PPP1R12A: variants seen among roughly 807,000 people sequenced by gnomAD.
PPP1R12A encodes the protein protein phosphatase 1 regulatory subunit 12A.
A neutral mutation model predicts 139.6 loss-of-function variants in PPP1R12A; 19 were observed. The ratio of observed to expected loss-of-function variants is 0.14; its 90% CI spans 0.09 to 0.20. PPP1R12A has a LOEUF of 0.20. PPP1R12A is among the 10% of genes least tolerant of loss of function. The pLI is 1.00. For synonymous variants in PPP1R12A, 427 were observed against 420.6 expected (o/e 1.02, Z -0.19); for missense variants, 925 against 1,211.5 (o/e 0.76, Z 3.51).
intron 1 of PPP1R12A, among the ~76,000 whole-genome samples, chr12:79,904,862 G>A: frequency 6.6e-6 from 1 of 152,148 alleles, no homozygotes; most frequent in East Asian, 1.9e-4. Flanking sequence ...GAGACCAAGA[G>A]GGGAAAAGAA....
chr12:79,829,711 G>C (rs183511946), intron 4 of PPP1R12A, among the ~76,000 whole-genome samples: 1 of 152,120 alleles, frequency 6.6e-6, no homozygotes. Context: ...AATAGAGGCA[G>C]AAACAATACT....
chr12:79,873,073 G>C (rs1882731070), intron 1 of PPP1R12A, 135 bp from the exon 2 acceptor site: 2 of 1,000,302 alleles, frequency 2.0e-6, no homozygotes, highest in Non-Finnish European at 2.9e-6. Context: ...CTGCTATCTT[G>C]ACTATACTCC....
intron 1 of PPP1R12A, among the ~76,000 whole-genome samples, chr12:79,887,047 T>C (rs1884167026): frequency 6.6e-6 from 1 of 152,166 alleles, no homozygotes; most frequent in African/African-American, 2.4e-5. Flanking sequence ...TTTTACTGAC[T>C]GCCTACCACA....
At position 79,934,800 on chromosome 12, in the gene PPP1R12A, G is replaced by A. The variant is rs746387765; in HGVS notation, c.132C>T (p.Phe44=). ...TKVKFDDGAV[F]LAACSSGDTD... ...TGTCGCCGCTGGAGCAAGCAGCCAG[G>A]AAGACGGCGCCATCGTCGAACTTCA... The change falls in exon 1 of 25, where the codon TTC becomes TTT. Residue 44 remains phenylalanine, a synonymous_variant. Transcript: ENST00000450142. 5 of 1,582,700 alleles carry A rather than the reference G, an allele frequency of 3.2e-6. No homozygotes were observed. Among genetic ancestry groups the A allele is most frequent in the Middle Eastern group, 1.7e-4 (1 of 6,040 alleles).
chr12:79,844,908 C>T (rs1287429311), intron 3 of PPP1R12A, among the ~76,000 whole-genome samples: 3 of 152,206 alleles, frequency 2.0e-5, no homozygotes, highest in Non-Finnish European at 4.4e-5. Flanking sequence ...CCCAGATCAT[C>T]ATGACTCATT....
At chr12:79,851,669 CT>C (rs1316500590) in intron 2 of PPP1R12A, among the ~76,000 whole-genome samples, 1 of 152,122 alleles carries the variant, frequency 6.6e-6, no homozygotes, top group African/African-American at 2.4e-5. Flanking sequence ...AGGTTTATGT[CT>C]TTTGCCAAAT....
rs566075084 is a variant in PPP1R12A, at chr12:79,871,780, A to C, written c.368+1028T>G. On this transcript the variant is annotated intron_variant, in intron 2 of 24. Coordinates refer to ENST00000450142, the MANE Select transcript of PPP1R12A (RefSeq NM_002480.3). ...AGTAAAGAACTCGAGATTGAGCGGGAAAAGTACAAAAAGGAAGTAAAGAAC... is the reference window on the plus strand; with the variant it reads ...AGTAAAGAACTCGAGATTGAGCGGGCAAAGTACAAAAAGGAAGTAAAGAAC... Among the ~76,000 whole-genome samples, 3 of 152,280 alleles carry C rather than the reference A, an allele frequency of 2.0e-5. No homozygotes were observed. In the South Asian group the frequency reaches 6.2e-4, roughly 32 times the overall value.
In PPP1R12A at chr12:79,828,433, T is replaced by G. The variant is rs757675632; in HGVS notation, c.679A>C (p.Ile227Leu). 1.2e-5 allele frequency: 20 copies of G among 1,609,118 alleles called. No individual in the cohort carries two copies. Among genetic ancestry groups the G allele is most frequent in the Non-Finnish European group, 1.7e-5 (20 of 1,176,486 alleles). The change falls in exon 5 of 25, where the codon ATT (isoleucine) becomes CTT (leucine). Residue 227 changes from isoleucine (I) to leucine (L), a missense_variant. By Grantham distance (5) the Ile-to-Leu change is conservative. Coordinates refer to ENST00000450142, the MANE Select transcript of PPP1R12A (RefSeq NM_002480.3). ...GGTGTCCAGCCATCATAGTCTTTAA[T>G]ATTAACATCATAGCCTGCCTGTATT... is the stretch of plus-strand genomic sequence containing the variant. ...LLIQAGYDVN[I>L]KDYDGWTPLH...
Position 79,778,592 on chromosome 12 carries a change from T to C in PPP1R12A, c.2964A>G (p.Arg988=). ...TTTCAGATATTCTTCTTTCTAGAGCTCTTCGTTCCTAGATCGATTTAAGGT... is the reference window on the plus strand; with the variant it reads ...TTTCAGATATTCTTCTTTCTAGAGCCCTTCGTTCCTAGATCGATTTAAGGT... ...SLLEMEKRER[R]ALERRISEME... is the part of the protein sequence containing the mutation. Residue 988 remains arginine, a synonymous_variant, in exon 24 of 25, where the codon AGA becomes AGG. Coordinates refer to ENST00000450142, the MANE Select transcript of PPP1R12A (RefSeq NM_002480.3). The C allele has an allele frequency of 6.5e-7, 1 of 1,528,782 alleles. No homozygotes were observed. The highest frequency in any genetic ancestry group is 1.2e-5 in the South Asian group (1 of 80,038). The allele number at this position is 1,528,782 out of a possible 1,614,324, so 94.7% of individuals were successfully genotyped here. A position where few individuals can be genotyped will look rare whatever the true frequency, so the allele number is the denominator to read the frequency against.
At chr12:79,805,854 G>T in intron 13 of PPP1R12A, 86 bp from the exon 14 acceptor site, 1 of 1,342,204 alleles carries the variant, frequency 7.5e-7, no homozygotes, top group Non-Finnish European at 1.0e-6. Flanking sequence ...GAAAACACAT[G>T]ACTACAGGGA....
chr12:79,895,444 C>G (rs1397515867), intron 1 of PPP1R12A, among the ~76,000 whole-genome samples: 1 of 152,008 alleles, frequency 6.6e-6, no homozygotes, highest in Non-Finnish European at 1.5e-5. Flanking sequence ...TTAAAATATA[C>G]TAGTAAATCA....
chr12:79,797,740 T>TG (rs1316624153), intron 15 of PPP1R12A, among the ~76,000 whole-genome samples: 1 of 152,182 alleles, frequency 6.6e-6, no homozygotes, highest in Non-Finnish European at 1.5e-5. Flanking sequence ...TATATACACA[T>TG]GCATGATGAT....
rs3203905 is a variant in PPP1R12A, at chr12:79,774,880, G to A, written c.*1049C>T. 0.21 allele frequency: 31,764 copies of A among 152,296 alleles called. 5,927 individuals are homozygous for A. Among genetic ancestry groups the A allele is most frequent in the African/African-American group, 0.5 (20,551 of 41,462 alleles). The allele number at this position is 152,296 out of a possible 1,614,324, so 9.4% of individuals were successfully genotyped here. A position where few individuals can be genotyped will look rare whatever the true frequency, so the allele number is the denominator to read the frequency against. On this transcript the variant is annotated 3_prime_UTR_variant, in exon 25 of 25. Transcript: ENST00000450142. The stretch of plus-strand genomic sequence containing the variant: ...TTTAATTATGGTTGAGTACTATCAA[G>A]TGAAAACTGAAAATAAAAGCACTTT...
At chr12:79,821,942 A>C (rs920455741) in intron 6 of PPP1R12A, among the ~76,000 whole-genome samples, 174 bp downstream of exon 6, 2 of 152,152 alleles carry the variant, frequency 1.3e-5, no homozygotes, top group Non-Finnish European at 2.9e-5. Context: ...GGGGATAAGC[A>C]ACACAAAAGG....
intron 1 of PPP1R12A, among the ~76,000 whole-genome samples, chr12:79,883,709 T>C (rs1253934388): frequency 1.3e-5 from 2 of 152,238 alleles, no homozygotes; most frequent in African/African-American, 4.8e-5. Context: ...AATAAAACAA[T>C]GGGACTTGAA....
At chr12:79,889,284 T>C (rs1453989484) in intron 1 of PPP1R12A, among the ~76,000 whole-genome samples, 4 of 152,090 alleles carry the variant, frequency 2.6e-5, no homozygotes, top group Admixed American at 2.0e-4. Context: ...GAGTAGGAAA[T>C]AGAGCCCTAG....
At chr12:79,814,772 G>A (rs1454953597) in intron 9 of PPP1R12A, among the ~76,000 whole-genome samples, 49 of 116,274 alleles carry the variant, frequency 4.2e-4, no homozygotes, top group African/African-American at 1.0e-3. Flanking sequence ...CCGAGATTGC[G>A]CCACTGCACC....
At chr12:79,779,242 T>G in intron 23 of PPP1R12A, 1 of 1,111,206 alleles carries the variant, frequency 9.0e-7, no homozygotes, top group Non-Finnish European at 1.2e-6. Flanking sequence ...TATTCTCCCT[T>G]AAATGATAAG....
intron 1 of PPP1R12A, among the ~76,000 whole-genome samples, chr12:79,904,928 A>G (rs1885965085): frequency 6.6e-6 from 1 of 152,224 alleles, no homozygotes; most frequent in African/African-American, 2.4e-5. Flanking sequence ...AAAGAATACC[A>G]AAACCACACA....
Sources: allele counts gnomAD v4.1 joint callset (sites outside exome capture counted in the v4.1 genomes callset), GRCh38; gene constraint gnomAD v4.1.1; transcripts MANE v1.5; gene names NCBI Gene and HGNC (gene_info 2026-07-23, HGNC 2026-07-21).